MAGI1: variants seen among roughly 807,000 people sequenced by gnomAD.
The protein encoded by MAGI1 is membrane associated guanylate kinase, WW and PDZ domain containing 1.
MAGI1 carries 58 observed loss-of-function variants against 139.9 expected under a neutral mutation model. The observed-to-expected ratio is 0.41, with a 90% CI of 0.34 to 0.52. The LOEUF is 0.52. Among genes scored for constraint, MAGI1 ranks in the 20% least tolerant of loss-of-function variants. The pLI is 0.12. For synonymous variants in MAGI1, 812 were observed against 737.9 expected (o/e 1.10, Z -1.63); for missense variants, 1,874 against 1,901.6 (o/e 0.99, Z 0.27).
intron 1 of MAGI1, among the ~76,000 whole-genome samples, chr3:66,033,239 G>C (rs1427294512): frequency 6.6e-6 from 1 of 152,092 alleles, no homozygotes; most frequent in Non-Finnish European, 1.5e-5. Context: ...GCCCAGGCTG[G>C]TCTTAAACTC....
chr3:65,583,441 A>G lies in MAGI1; in HGVS notation c.430+38531T>C, dbSNP rs1302990343. Reference sequence around the variant, plus strand: ...CCTGTCTCTCAGAGTCACAAATAATATATTTGTTTCTCTAATCTCTAACTA... The same window carrying G: ...CCTGTCTCTCAGAGTCACAAATAATGTATTTGTTTCTCTAATCTCTAACTA... On this transcript the variant is annotated intron_variant, in intron 2 of 22. Transcript: ENST00000402939. Among the ~76,000 whole-genome samples the G allele has an allele frequency of 3.9e-5, 6 of 152,132 alleles. No homozygotes were observed. The East Asian group carries it at 1.2e-3, about 29-fold the overall frequency.
At chr3:65,538,695 CTCA>C (rs2079068949) in intron 2 of MAGI1, among the ~76,000 whole-genome samples, 1 of 152,130 alleles carries the variant, frequency 6.6e-6, no homozygotes, top group African/African-American at 2.4e-5. Flanking sequence ...TCATCTAACC[CTCA>C]GAGCAACATT....
intron 1 of MAGI1, among the ~76,000 whole-genome samples, chr3:65,685,638 G>C (rs1357562210): frequency 3.3e-5 from 5 of 152,118 alleles, no homozygotes; most frequent in African/African-American, 1.2e-4. Context: ...TACATCTTTT[G>C]ATTCAATCAA....
intron 1 of MAGI1, among the ~76,000 whole-genome samples, chr3:65,970,951 TCCCA>T (rs1281759465): frequency 6.6e-6 from 1 of 152,194 alleles, no homozygotes; most frequent in African/African-American, 2.4e-5. Context: ...ATGCCTGTAA[TCCCA>T]GCACTTTGGG....
At chr3:65,503,862 T>C (rs1395600235) in intron 2 of MAGI1, among the ~76,000 whole-genome samples, 1 of 152,136 alleles carries the variant, frequency 6.6e-6, no homozygotes, top group Non-Finnish European at 1.5e-5. Context: ...AAGTTTTGAG[T>C]GCCAAATCCA....
At chr3:65,982,713 T>C (rs2065652843) in intron 1 of MAGI1, among the ~76,000 whole-genome samples, 1 of 152,078 alleles carries the variant, frequency 6.6e-6, no homozygotes, top group Admixed American at 6.6e-5. Context: ...AATGATTGTA[T>C]TGTCATTTCA....
intron 1 of MAGI1, among the ~76,000 whole-genome samples, chr3:65,974,585 TG>T (rs2065175161): frequency 6.6e-6 from 1 of 152,100 alleles, no homozygotes; most frequent in African/African-American, 2.4e-5. Context: ...CCTAGCTGGG[TG>T]GTTCTGGCTC....
intron 12 of MAGI1, among the ~76,000 whole-genome samples, chr3:65,425,236 T>C (rs1575698576): frequency 1.3e-5 from 2 of 152,096 alleles, no homozygotes; most frequent in Admixed American, 6.6e-5. Context: ...ATTGCCACTA[T>C]TGCTTTATCA....
intron 1 of MAGI1, among the ~76,000 whole-genome samples, chr3:65,773,457 T>C (rs2038119064): frequency 6.6e-6 from 1 of 152,094 alleles, no homozygotes. Flanking sequence ...CACTTGAGCC[T>C]GGGAGGTGGA....
At chr3:65,917,773 G>C (rs1390259132) in intron 1 of MAGI1, among the ~76,000 whole-genome samples, 1 of 152,196 alleles carries the variant, frequency 6.6e-6, no homozygotes, top group Non-Finnish European at 1.5e-5. Flanking sequence ...CAAAAGTTAG[G>C]GGAGTGGGGA....
At chr3:65,856,243 G>A (rs1365125810) in intron 1 of MAGI1, among the ~76,000 whole-genome samples, 6 of 152,106 alleles carry the variant, frequency 3.9e-5, no homozygotes, top group Non-Finnish European at 2.9e-5. Context: ...GGGTTGGGGA[G>A]AAGAAAAAGC....
chr3:65,599,575 C>A (rs965169933), intron 2 of MAGI1, among the ~76,000 whole-genome samples: 3 of 152,106 alleles, frequency 2.0e-5, no homozygotes, highest in African/African-American at 7.2e-5. Flanking sequence ...CCCTGGTGTA[C>A]AAAATGGAAC....
intron 13 of MAGI1, among the ~76,000 whole-genome samples, chr3:65,393,254 T>C (rs1413357477): frequency 6.6e-6 from 1 of 152,016 alleles, no homozygotes; most frequent in Non-Finnish European, 1.5e-5. Context: ...GACAGTTGCT[T>C]TTTTTCCCCC....
At chr3:65,765,413 T>C (rs1014880149) in intron 1 of MAGI1, among the ~76,000 whole-genome samples, 1 of 152,212 alleles carries the variant, frequency 6.6e-6, no homozygotes, top group Admixed American at 6.5e-5. Context: ...CACTGCTTAT[T>C]AAGCTCCAGA....
chr3:65,389,085 C>T (rs565569988), intron 14 of MAGI1, among the ~76,000 whole-genome samples: 14 of 152,006 alleles, frequency 9.2e-5, no homozygotes, highest in South Asian at 4.2e-4. Flanking sequence ...CTTCGTGATC[C>T]GCCCGCCTCA....
chr3:65,845,821 G>A (rs1256131562), intron 1 of MAGI1, among the ~76,000 whole-genome samples: 2 of 152,126 alleles, frequency 1.3e-5, no homozygotes, highest in African/African-American at 2.4e-5. Context: ...AGTCTTTTAC[G>A]AAAGGTAAGT....
intron 1 of MAGI1, among the ~76,000 whole-genome samples, chr3:65,693,703 T>TTTTTTTTGTTG (rs1553692473): frequency 3.0e-4 from 46 of 151,900 alleles, no homozygotes; most frequent in Non-Finnish European, 5.2e-4. Flanking sequence ...AGAACAGTTT[T>TTTTTTTTGTTG]TTTTTGTTTT....
At chr3:65,574,768 G>C (rs2081104886) in intron 2 of MAGI1, among the ~76,000 whole-genome samples, 1 of 152,018 alleles carries the variant, frequency 6.6e-6, no homozygotes, top group African/African-American at 2.4e-5. Flanking sequence ...GTGAGTATAT[G>C]AGTGAAACAG....
At chr3:65,944,036 A>G (rs1357574659) in intron 1 of MAGI1, among the ~76,000 whole-genome samples, 5 of 152,214 alleles carry the variant, frequency 3.3e-5, no homozygotes, top group African/African-American at 9.6e-5. Flanking sequence ...CAGGAAAAAA[A>G]CATTCTTTCT....
Sources: allele counts gnomAD v4.1 joint callset (sites outside exome capture counted in the v4.1 genomes callset), GRCh38; gene constraint gnomAD v4.1.1; transcripts MANE v1.5; gene names NCBI Gene and HGNC (gene_info 2026-07-23, HGNC 2026-07-21).